Variants in MRPS31 observed in about 807,000 individuals in gnomAD.
The protein encoded by MRPS31 is small ribosomal subunit protein mS31.
MRPS31 carries 32 observed loss-of-function variants against 43.1 expected under a neutral mutation model. That is an observed-to-expected ratio of 0.74 (90% CI 0.56 to 1.00). The LOEUF is 1.00. Ranked by LOEUF, MRPS31 falls within the 50% of genes least tolerant of loss-of-function variation. The pLI is 0.00. For missense variants in MRPS31, 437 were observed against 466.7 expected (o/e 0.94, Z 0.59); for synonymous variants, 165 against 161.6 (o/e 1.02, Z -0.16).
intron 2 of MRPS31, among the ~76,000 whole-genome samples, chr13:40,761,057 G>A (rs1053977423): frequency 1.3e-5 from 2 of 151,368 alleles, no homozygotes; most frequent in African/African-American, 2.4e-5. Context: ...CGGGAGGATC[G>A]CTTGAGCCCA....
At chr13:40,757,595 C>T (rs1880566215) in intron 3 of MRPS31, among the ~76,000 whole-genome samples, 2 of 151,522 alleles carry the variant, frequency 1.3e-5, no homozygotes, top group South Asian at 4.2e-4. Flanking sequence ...CAGGCGTGTG[C>T]CACCATGCCA....
chr13:40,740,480 T>C (rs1043280321), intron 6 of MRPS31, among the ~76,000 whole-genome samples: 1 of 136,618 alleles, frequency 7.3e-6, no homozygotes, highest in African/African-American at 3.0e-5. Context: ...TAAAGACAAA[T>C]GCACACGTAT....
At chr13:40,750,413 G>A (rs1375673305) in intron 5 of MRPS31, among the ~76,000 whole-genome samples, 1 of 152,008 alleles carries the variant, frequency 6.6e-6, no homozygotes, top group African/African-American at 2.4e-5. Flanking sequence ...AGGACACAAG[G>A]AAACTTTGGA....
At chr13:40,756,224 T>C (rs894688540) in intron 4 of MRPS31, among the ~76,000 whole-genome samples, 3 of 152,246 alleles carry the variant, frequency 2.0e-5, no homozygotes, top group Non-Finnish European at 4.4e-5. Flanking sequence ...ATGCCAAATA[T>C]CTGGTTCCTC....
intron 6 of MRPS31, among the ~76,000 whole-genome samples, chr13:40,734,772 T>C (rs954650543): frequency 2.6e-5 from 4 of 152,082 alleles, no homozygotes; most frequent in African/African-American, 9.7e-5. Flanking sequence ...GGTGTGCCTG[T>C]GGTCCTCTCC....
intron 6 of MRPS31, among the ~76,000 whole-genome samples, chr13:40,733,877 T>C (rs2137991960): frequency 6.8e-6 from 1 of 146,954 alleles, no homozygotes; most frequent in East Asian, 2.0e-4. Flanking sequence ...GGAAATAACC[T>C]GAGCCTGGGA....
At chr13:40,734,726 C>T (rs781768299) in intron 6 of MRPS31, among the ~76,000 whole-genome samples, 10 of 151,920 alleles carry the variant, frequency 6.6e-5, no homozygotes, top group Non-Finnish European at 1.0e-4. Flanking sequence ...CATAGTGAGA[C>T]CTCGTCTTTA....
chr13:40,732,707 C>T (rs1371769655), intron 6 of MRPS31, among the ~76,000 whole-genome samples: 20 of 151,908 alleles, frequency 1.3e-4, no homozygotes, highest in Non-Finnish European at 2.8e-4. Flanking sequence ...CACTGCACTC[C>T]AGCCTGAGTG....
intron 1 of MRPS31, among the ~76,000 whole-genome samples, chr13:40,769,706 T>C (rs1185832678): frequency 6.6e-6 from 1 of 152,142 alleles, no homozygotes; most frequent in East Asian, 1.9e-4. Context: ...GGTATTTTAA[T>C]AGAAAAGTGG....
intron 6 of MRPS31, among the ~76,000 whole-genome samples, chr13:40,746,883 C>T (rs1880252697): frequency 6.6e-6 from 1 of 152,094 alleles, no homozygotes; most frequent in African/African-American, 2.4e-5. Flanking sequence ...CTTGTTTAAC[C>T]TCACTTAATT....
rs1017134184 is a variant in MRPS31 at position 40,771,148 on chromosome 13, G to A, written c.-12C>T. 1.9e-6 allele frequency: 3 copies of A among 1,593,272 alleles called. No homozygotes were observed. Among genetic ancestry groups the A allele is most frequent in the Non-Finnish European group, 2.6e-6 (3 of 1,167,930 alleles). On this transcript the variant is annotated 5_prime_UTR_variant, in exon 1 of 7. Coordinates refer to ENST00000323563, the MANE Select transcript of MRPS31 (RefSeq NM_005830.4). ...ACTCTAGGAAACATCGCCGAGACACGAAATGAACCAAGAACACAACTGAAA... is the reference window on the plus strand; with the variant it reads ...ACTCTAGGAAACATCGCCGAGACACAAAATGAACCAAGAACACAACTGAAA...
chr13:40,769,373 C>CATATATATAT lies in MRPS31; in HGVS notation c.152+1602_152+1611dup, dbSNP rs201190639. Among the ~76,000 whole-genome samples, 91 of 65,624 alleles carry CATATATATAT rather than the reference C, an allele frequency of 1.4e-3. 3 individuals carry two copies. Among genetic ancestry groups the CATATATATAT allele is most frequent in the Non-Finnish European group, 1.9e-3 (55 of 28,868 alleles). 43.1% of individuals were successfully genotyped at this position (65,624 alleles called of 152,430 possible). On this transcript the variant is annotated intron_variant, in intron 1 of 6. Transcript: ENST00000323563. ...CTAAGCGACAGAGCAAGACTCTGTC[C>CATATATATAT]ATATATATATATATATATATATATA...
chr13:40,752,739 CT>C (rs201349990), intron 5 of MRPS31, among the ~76,000 whole-genome samples: 6,830 of 146,876 alleles, frequency 0.047, 310 homozygotes, highest in East Asian at 0.14. Flanking sequence ...ATACAACATT[CT>C]TTTTTTTTTT....
At position 40,756,948 on chromosome 13, in the gene MRPS31, G is replaced by A; in HGVS notation, c.665C>T (p.Pro222Leu). 1 of 1,613,478 alleles carries A rather than the reference G, an allele frequency of 6.2e-7. No homozygotes were observed. The highest frequency in any genetic ancestry group is 8.5e-7 in the Non-Finnish European group (1 of 1,179,684). Residue 222 changes from proline (P) to leucine (L), a missense_variant, in exon 4 of 7, where the codon CCA becomes CTA. Coordinates refer to ENST00000323563, the MANE Select transcript of MRPS31 (RefSeq NM_005830.4). ...RSATARVRSR[P>L]ELRIQFDEGY... Reference sequence around the variant, plus strand: ...TTCATCAAACTGAATCCGAAGCTCTGGTCTTGAACGAACTCTAGCTGTAGC... The same window carrying A: ...TTCATCAAACTGAATCCGAAGCTCTAGTCTTGAACGAACTCTAGCTGTAGC...
intron 3 of MRPS31, among the ~76,000 whole-genome samples, chr13:40,757,741 G>A (rs1254146253): frequency 2.1e-5 from 3 of 144,318 alleles, no homozygotes; most frequent in African/African-American, 7.6e-5. Context: ...AGTGCGCCTG[G>A]CTTTTTTTTT....
chr13:40,749,235 G>A lies in MRPS31; in HGVS notation c.861C>T (p.Ala287=), dbSNP rs566988883. Reference sequence around the variant, plus strand: ...TCTGAAGGGGTTGTTCATTTACTGTGGCTAACTGCTTAGCAAATTCCACAT... The same window carrying A: ...TCTGAAGGGGTTGTTCATTTACTGTAGCTAACTGCTTAGCAAATTCCACAT... The part of the protein sequence containing the change: ...LWDVEFAKQL[A]TVNEQPLQNG... The change falls in exon 6 of 7, where the codon GCC becomes GCT. Residue 287 remains alanine, a synonymous_variant. Coordinates refer to ENST00000323563, the MANE Select transcript of MRPS31 (RefSeq NM_005830.4). The A allele has an allele frequency of 1.3e-5, 21 of 1,597,408 alleles. No individual in the cohort carries two copies. In the South Asian group the frequency reaches 2.3e-4, roughly 17 times the overall value.
chr13:40,751,106 G>T (rs1023511704), intron 5 of MRPS31, among the ~76,000 whole-genome samples: 1 of 152,044 alleles, frequency 6.6e-6, no homozygotes, highest in Non-Finnish European at 1.5e-5. Context: ...GTGCAGAAAT[G>T]TATCTAGCCA....
chr13:40,770,737 G>A (rs1880982648), intron 1 of MRPS31: 1 of 475,518 alleles, frequency 2.1e-6, no homozygotes. Context: ...ATAAAAACCT[G>A]GGTAAACTGA....
chr13:40,769,889 G>C (rs1025967927), intron 1 of MRPS31, among the ~76,000 whole-genome samples: 1 of 152,088 alleles, frequency 6.6e-6, no homozygotes, highest in African/African-American at 2.4e-5. Flanking sequence ...TGTTTCCACT[G>C]ACAGCAGCTC....
Sources: allele counts gnomAD v4.1 joint callset (sites outside exome capture counted in the v4.1 genomes callset), GRCh38; gene constraint gnomAD v4.1.1; transcripts MANE v1.5; gene names NCBI Gene and HGNC (gene_info 2026-07-23, HGNC 2026-07-21).